Variants in GRK3 observed in about 807,000 individuals in gnomAD.
The protein encoded by GRK3 is G protein-coupled receptor kinase 3.
GRK3 carries 54 observed loss-of-function variants against 95.7 expected under a neutral mutation model. The observed-to-expected ratio is 0.56, with a 90% CI of 0.45 to 0.71. The LOEUF is 0.71. Among genes scored for constraint, GRK3 ranks in the 30% least tolerant of loss-of-function variants. The pLI is 0.00. For synonymous variants in GRK3, 281 were observed against 290.8 expected (o/e 0.97, Z 0.34); for missense variants, 649 against 851.2 (o/e 0.76, Z 2.96).
chr22:25,659,334 T>G (rs955774115), intron 3 of GRK3, among the ~76,000 whole-genome samples: 3 of 152,300 alleles, frequency 2.0e-5, no homozygotes, highest in Admixed American at 2.0e-4. Flanking sequence ...CAGAGATGAC[T>G]TCACTAGACC....
rs186173022 is a variant in GRK3 at position 25,659,726 on chromosome 22, C to T, written c.265-1850C>T. ...CTTACTGATTATAGAAAGTGAATAC[C>T]AAATTACAGCCACAGATGCTTTAGG... On this transcript the variant is annotated intron_variant, in intron 3 of 20. Coordinates refer to ENST00000324198, the MANE Select transcript of GRK3 (RefSeq NM_005160.4). Among the ~76,000 whole-genome samples the T allele has an allele frequency of 1.3e-3, 199 of 152,276 alleles. 2 individuals carry two copies. Among genetic ancestry groups the T allele is most frequent in the Admixed American group, 0.013 (198 of 15,296 alleles).
rs540489466 is a variant in GRK3, at chr22:25,568,127, T to C, written c.113+2974T>C. On this transcript the variant is annotated intron_variant, in intron 1 of 20. Transcript: ENST00000324198. ...GTAAACTGTGACCCACAGCCTCCCT[T>C]GCAGGCCCAGTTAAAACAGGAGCAT... Among the ~76,000 whole-genome samples the C allele has an allele frequency of 8.5e-5, 13 of 152,340 alleles. No individual in the cohort carries two copies. The South Asian group carries it at 2.7e-3, about 32-fold the overall frequency.
At chr22:25,666,449 G>T (rs1278563803) in intron 5 of GRK3, among the ~76,000 whole-genome samples, 1 of 152,208 alleles carries the variant, frequency 6.6e-6, no homozygotes. Flanking sequence ...AGGAACTTCA[G>T]AGAGAGATAA....
rs1250273010 is a variant in GRK3, at chr22:25,727,339, T to C, written c.*4889T>C. On this transcript the variant is annotated 3_prime_UTR_variant, in exon 21 of 21. Transcript: ENST00000324198. ...ATTATGAAACAAATGAAATTTGAAC[T>C]CTAAAATGGTACTCCTTGGCTTCCT... 1.3e-5 allele frequency: 2 copies of C among 152,186 alleles called. No homozygotes were observed. Among genetic ancestry groups the C allele is most frequent in the Non-Finnish European group, 2.9e-5 (2 of 68,046 alleles). The allele number at this position is 152,186 out of a possible 1,614,324, so 9.4% of individuals were successfully genotyped here.
At chr22:25,617,014 GT>G (rs2084544716) in intron 2 of GRK3, among the ~76,000 whole-genome samples, 1 of 152,142 alleles carries the variant, frequency 6.6e-6, no homozygotes, top group Non-Finnish European at 1.5e-5. Context: ...ATTCTTACGG[GT>G]GTGAATCAGG....
intron 9 of GRK3, among the ~76,000 whole-genome samples, chr22:25,683,229 A>G (rs528878218): frequency 6.6e-6 from 1 of 152,386 alleles, no homozygotes; most frequent in East Asian, 1.9e-4. Context: ...CATGATCTAT[A>G]TGGCATTCTA....
At chr22:25,648,830 G>A in intron 3 of GRK3, 1 of 1,137,612 alleles carries the variant, frequency 8.8e-7, no homozygotes, top group Non-Finnish European at 1.3e-6. Context: ...AAAATCTTCT[G>A]TGCAAAATAG....
At chr22:25,620,299 C>G (rs995743078) in intron 2 of GRK3, among the ~76,000 whole-genome samples, 1 of 152,124 alleles carries the variant, frequency 6.6e-6, no homozygotes, top group Non-Finnish European at 1.5e-5. Context: ...CCCTCCCACC[C>G]TAGCCTTTTA....
At chr22:25,570,203 C>A (rs1012569145) in intron 1 of GRK3, among the ~76,000 whole-genome samples, 31 of 152,212 alleles carry the variant, frequency 2.0e-4, no homozygotes, top group Non-Finnish European at 1.5e-5. Context: ...GAATAAGCAG[C>A]TTGTTCCTTA....
chr22:25,724,254 T>C lies in GRK3; in HGVS notation c.*1804T>C, dbSNP rs2085457079. ...CGTTCCCGTCTGCATCTCAAGCTCA[T>C]AGGTTCTCAGCATGTGCAGTTGAGG... On this transcript the variant is annotated 3_prime_UTR_variant, in exon 21 of 21. Coordinates refer to ENST00000324198, the MANE Select transcript of GRK3 (RefSeq NM_005160.4). 1 of 152,142 alleles carries C rather than the reference T, an allele frequency of 6.6e-6. No homozygotes were observed. The highest frequency in any genetic ancestry group is 6.5e-5 in the Admixed American group (1 of 15,278). The allele number at this position is 152,142 out of a possible 1,614,324, so 9.4% of individuals were successfully genotyped here.
At chr22:25,663,770 T>A (rs1235505849) in intron 5 of GRK3, 66 bp downstream of exon 5, 2 of 1,138,858 alleles carry the variant, frequency 1.8e-6, no homozygotes, top group African/African-American at 3.1e-5. Context: ...GGTGACATTC[T>A]TTTTGCATGT....
At chr22:25,685,598 A>G (rs2085106726) in intron 10 of GRK3, among the ~76,000 whole-genome samples, 1 of 152,202 alleles carries the variant, frequency 6.6e-6, no homozygotes. Context: ...TCATAAGAAT[A>G]TAGGCCAAAG....
intron 18 of GRK3, among the ~76,000 whole-genome samples, chr22:25,716,925 G>A (rs1288121127): frequency 1.3e-5 from 2 of 152,140 alleles, no homozygotes; most frequent in African/African-American, 2.4e-5. Context: ...CATGAACTGC[G>A]CACGTGAGGG....
intron 6 of GRK3, among the ~76,000 whole-genome samples, chr22:25,670,807 A>G (rs996384239): frequency 2.7e-5 from 4 of 149,434 alleles, no homozygotes; most frequent in Non-Finnish European, 5.9e-5. Flanking sequence ...TAATCCCAGC[A>G]CTATGGGAGG....
intron 11 of GRK3, among the ~76,000 whole-genome samples, chr22:25,688,610 G>A (rs2085140954): frequency 6.6e-6 from 1 of 152,210 alleles, no homozygotes; most frequent in African/African-American, 2.4e-5. Flanking sequence ...CTGTGCCCGA[G>A]TTTCTGTTCT....
At chr22:25,588,376 G>C (rs1455732193) in intron 1 of GRK3, among the ~76,000 whole-genome samples, 3 of 152,320 alleles carry the variant, frequency 2.0e-5, no homozygotes, top group East Asian at 1.9e-4. Flanking sequence ...TAATTGGGTT[G>C]TTATCTGAAC....
At chr22:25,684,141 C>T (rs917453126) in intron 9 of GRK3, among the ~76,000 whole-genome samples, 1 of 152,192 alleles carries the variant, frequency 6.6e-6, no homozygotes, top group African/African-American at 2.4e-5. Context: ...TGTTGTGTCA[C>T]CTTAATAACA....
chr22:25,672,753 T>C (rs1283354250), intron 7 of GRK3, among the ~76,000 whole-genome samples: 1 of 152,160 alleles, frequency 6.6e-6, no homozygotes, highest in Non-Finnish European at 1.5e-5. Context: ...GATGACATCT[T>C]TTATCAGACC....
chr22:25,597,354 T>G (rs147213419), intron 1 of GRK3, among the ~76,000 whole-genome samples: 46 of 152,222 alleles, frequency 3.0e-4, no homozygotes, highest in Middle Eastern at 3.4e-3. Context: ...TACAGCTAGA[T>G]AAGAGAAATA....
Sources: allele counts gnomAD v4.1 joint callset (sites outside exome capture counted in the v4.1 genomes callset), GRCh38; gene constraint gnomAD v4.1.1; transcripts MANE v1.5; gene names NCBI Gene and HGNC (gene_info 2026-07-23, HGNC 2026-07-21).